The following ALDH7A1 variants were observed in gnomAD, a reference collection of about 807,000 sequenced individuals.
ALDH7A1 encodes aldehyde dehydrogenase 7 family member A1.
In ALDH7A1, 63 loss-of-function variants were observed where a neutral mutation model predicts 79.9. The observed-to-expected ratio is 0.79, with a 90% CI of 0.64 to 0.97. The LOEUF (loss-of-function observed/expected upper bound fraction) is 0.97, where lower values mean the gene tolerates loss of function less well. Among genes scored for constraint, ALDH7A1 ranks in the 50% least tolerant of loss-of-function variants. ALDH7A1 has a pLI of 0.00. For missense variants in ALDH7A1, 627 were observed against 665.2 expected (o/e 0.94, Z 0.63); for synonymous variants, 240 against 231.2 (o/e 1.04, Z -0.34).
At chr5:126,583,623 G>A (rs1187702498) in intron 4 of ALDH7A1, among the ~76,000 whole-genome samples, 4 of 151,888 alleles carry the variant, frequency 2.6e-5, no homozygotes, top group Admixed American at 2.6e-4. Context: ...GATCACCTGA[G>A]GTTAGGAGTT....
rs1276294117 is a variant in ALDH7A1, at chr5:126,582,868, G to A, written c.500C>T (p.Pro167Leu). 31 of 1,612,382 alleles carry A rather than the reference G, an allele frequency of 1.9e-5. No homozygotes were observed. Among genetic ancestry groups the A allele is most frequent in the Non-Finnish European group, 2.5e-5 (30 of 1,179,918 alleles). ...TTGCTTACTTTCAGAAGGCAAGATAGGTCCTCCAATCATCCTTGATAAACC... is the reference window on the plus strand; with the variant it reads ...TTGCTTACTTTCAGAAGGCAAGATAAGTCCTCCAATCATCCTTGATAAACC... The part of the protein sequence containing the change: ...AVGLSRMIGG[P>L]ILPSERSGHA... The change falls in exon 5 of 18, where the codon CCT becomes CTT. Residue 167 changes from proline to leucine, a missense_variant. Coordinates refer to ENST00000409134, the MANE Select transcript of ALDH7A1 (RefSeq NM_001182.5).
rs757541769 is a variant in ALDH7A1 at position 126,593,303 on chromosome 5, AATTAAACACACAC to A, written c.246+35_246+47del. ...GCACAAACTCCTTGTGTATAATTTG[AATTAAACACACAC>A]ACACACACACACACACACACACACA... is the stretch of plus-strand genomic sequence containing the variant. On this transcript the variant is annotated intron_variant, in intron 2 of 17. Coordinates refer to ENST00000409134, the MANE Select transcript of ALDH7A1 (RefSeq NM_001182.5). The A allele has an allele frequency of 7.6e-5, 120 of 1,588,648 alleles. No homozygotes were observed. The African/African-American group carries it at 1.7e-3, about 22-fold the overall frequency.
At chr5:126,588,416 T>C (rs1050874213) in intron 3 of ALDH7A1, 10 of 151,644 alleles carry the variant, frequency 6.6e-5, no homozygotes, top group African/African-American at 2.4e-4. Context: ...GAGGCAGAGG[T>C]TGCAGTGAGC....
intron 14 of ALDH7A1, among the ~76,000 whole-genome samples, 185 bp downstream of exon 14, chr5:126,551,836 T>C (rs1413284650): frequency 6.6e-6 from 1 of 152,232 alleles, no homozygotes; most frequent in African/African-American, 2.4e-5. Context: ...CCCTGGCAGC[T>C]AGCTTGGCAT....
chr5:126,580,377 G>A (rs372286461), intron 5 of ALDH7A1, among the ~76,000 whole-genome samples: 12 of 152,152 alleles, frequency 7.9e-5, no homozygotes, highest in Non-Finnish European at 1.2e-4. Context: ...GATTACAGGC[G>A]TGAGCCACCA....
chr5:126,591,238 T>C (rs996277498), intron 3 of ALDH7A1, among the ~76,000 whole-genome samples: 63 of 152,318 alleles, frequency 4.1e-4, no homozygotes, highest in African/African-American at 1.4e-3. Flanking sequence ...GAACTTTACC[T>C]AGCACACTGT....
intron 8 of ALDH7A1, chr5:126,568,718 T>A: frequency 3.3e-6 from 1 of 303,892 alleles, no homozygotes; most frequent in Non-Finnish European, 6.5e-6. Flanking sequence ...CTTTAAGGAT[T>A]AAAACTTGGG....
chr5:126,580,950 G>C (rs1043485097), intron 5 of ALDH7A1, among the ~76,000 whole-genome samples: 1 of 151,676 alleles, frequency 6.6e-6, no homozygotes, highest in East Asian at 1.9e-4. Context: ...TCAGCCTCCC[G>C]AGTAGCTGGG....
At chr5:126,575,858 T>C (rs890352525) in intron 6 of ALDH7A1, among the ~76,000 whole-genome samples, 2 of 152,190 alleles carry the variant, frequency 1.3e-5, no homozygotes, top group Non-Finnish European at 2.9e-5. Flanking sequence ...GATTAGAATG[T>C]TGGAAAACAT....
intron 7 of ALDH7A1, among the ~76,000 whole-genome samples, chr5:126,574,023 CAA>C (rs34601459): frequency 1.9e-4 from 11 of 57,232 alleles, no homozygotes; most frequent in Non-Finnish European, 2.3e-4. Flanking sequence ...AAGACTGTCT[CAA>C]AAAAAAAAAA....
intron 6 of ALDH7A1, 93 bp from the exon 7 acceptor site, chr5:126,575,557 G>GAA: frequency 7.8e-6 from 9 of 1,160,848 alleles, no homozygotes; most frequent in Non-Finnish European, 1.1e-5. Flanking sequence ...AAAAGTGTGA[G>GAA]AAAAAGCTCT....
chr5:126,582,628 G>A (rs530601512), intron 5 of ALDH7A1, among the ~76,000 whole-genome samples: 5 of 152,252 alleles, frequency 3.3e-5, no homozygotes, highest in South Asian at 4.1e-4. Flanking sequence ...TGTCTTACCC[G>A]TGGACTTGCC....
chr5:126,576,262 CAAA>C (rs35284915), intron 6 of ALDH7A1, among the ~76,000 whole-genome samples: 3 of 89,232 alleles, frequency 3.4e-5, no homozygotes, highest in African/African-American at 4.7e-5. Flanking sequence ...GACTCTGTCA[CAAA>C]AAAAAAAAAA....
In ALDH7A1 at chr5:126,568,333, C is replaced by T. The variant is rs796052259; in HGVS notation, c.797G>A (p.Arg266Gln). 1 of 1,613,972 alleles carries T rather than the reference C, an allele frequency of 6.2e-7. No individual in the cohort carries two copies. The highest frequency in any genetic ancestry group is 1.3e-5 in the African/African-American group (1 of 74,918). ...DIGTAMAKDE[R>Q]VNLLSFTGST... ...CCCAGTGAAGGACAGCAGGTTCACTCGTTCATCTTTGGCCATTGCTGTGCT... is the reference window on the plus strand; with the variant it reads ...CCCAGTGAAGGACAGCAGGTTCACTTGTTCATCTTTGGCCATTGCTGTGCT... The change falls in exon 9 of 18, where the codon CGA becomes CAA. Residue 266 changes from arginine to glutamine, a missense_variant. By Grantham distance (43) the Arg-to-Gln change is conservative. Transcript: ENST00000409134.
intron 8 of ALDH7A1, chr5:126,568,899 A>G: frequency 6.4e-6 from 1 of 157,188 alleles, no homozygotes; most frequent in Non-Finnish European, 1.4e-5. Flanking sequence ...AGCCTAGGTG[A>G]CAGAGTGAGA....
At chr5:126,552,166 T>C (rs1374520548) in intron 13 of ALDH7A1, 29 bp from the exon 14 acceptor site, 1 of 1,580,736 alleles carries the variant, frequency 6.3e-7, no homozygotes, top group Non-Finnish European at 8.7e-7. Flanking sequence ...ATAAAAAGAA[T>C]GAAAGCATTT....
At chr5:126,593,585 C>T in intron 1 of ALDH7A1, 181 bp from the exon 2 acceptor site, 2 of 869,512 alleles carry the variant, frequency 2.3e-6, no homozygotes, top group East Asian at 2.7e-5. Flanking sequence ...TCATTTCTGA[C>T]TTAAACATTA....
intron 4 of ALDH7A1, among the ~76,000 whole-genome samples, chr5:126,583,306 C>T (rs552918715): frequency 6.6e-6 from 1 of 151,470 alleles, no homozygotes; most frequent in Non-Finnish European, 1.5e-5. Context: ...CATGGTGAAA[C>T]TTTGTCTCTA....
chr5:126,574,477 T>C (rs7719712), intron 7 of ALDH7A1, among the ~76,000 whole-genome samples: 20,068 of 150,422 alleles, frequency 0.13, 1,640 homozygotes, highest in African/African-American at 0.23. Flanking sequence ...AGGTGGATCA[T>C]GAGGTCAGGA....
Sources: gnomAD v4.1 joint callset for allele counts (sites outside exome capture counted in the v4.1 genomes callset) on GRCh38, gnomAD v4.1.1 for gene constraint, MANE v1.5 for transcripts, NCBI Gene and HGNC (gene_info 2026-07-23, HGNC 2026-07-21) for gene names.